The following BRPF1 variants were observed in gnomAD, a reference collection of about 807,000 sequenced individuals.
BRPF1 encodes peregrin.
In BRPF1, 15 loss-of-function variants were observed where a neutral mutation model predicts 115.0. That is an observed-to-expected ratio of 0.13 (90% CI 0.09 to 0.20). The LOEUF is 0.20. Ranked by LOEUF, BRPF1 falls within the 10% of genes least tolerant of loss-of-function variation. BRPF1 has a pLI of 1.00. For missense variants in BRPF1, 1,118 were observed against 1,638.3 expected (o/e 0.68, Z 5.48); for synonymous variants, 647 against 619.8 (o/e 1.04, Z -0.65).
Position 9,745,534 on chromosome 3 carries a change from C to T in BRPF1, c.3069-39C>T. The T allele has an allele frequency of 1.2e-6, 2 of 1,604,996 alleles. No homozygotes were observed. Among genetic ancestry groups the T allele is most frequent in the Non-Finnish European group, 1.7e-6 (2 of 1,172,124 alleles). On this transcript the variant is annotated intron_variant, in intron 10 of 13. Transcript: ENST00000383829. The surrounding 1 kb of genome is among the most constrained non-coding windows in gnomAD (Gnocchi z 5.1). Reference sequence around the variant, plus strand: ...ACATACCATGCTGTTCCCCATTCTTCCCCTCCTTTGAGCTGAGCTCCCATT... The same window carrying T: ...ACATACCATGCTGTTCCCCATTCTTTCCCTCCTTTGAGCTGAGCTCCCATT...
At position 9,743,373 on chromosome 3, in the gene BRPF1, G is replaced by A; in HGVS notation, c.2311+120G>A. On this transcript the variant is annotated intron_variant, in intron 7 of 13. Coordinates refer to ENST00000383829, the MANE Select transcript of BRPF1 (RefSeq NM_001003694.2). This position sits in a 1 kb window ranked among gnomAD's most constrained non-coding sequence, Gnocchi z 6.1. ...AAGCAGCTAGGCTGAGCAGTGGCAA[G>A]CTATCCCCAGGAATGCTCCCCAAGA... is the stretch of plus-strand genomic sequence containing the variant. 7.3e-7 allele frequency: 1 copy of A among 1,372,518 alleles called. No individual in the cohort carries two copies. Among genetic ancestry groups the A allele is most frequent in the Non-Finnish European group, 9.8e-7 (1 of 1,018,694 alleles). The allele number at this position is 1,372,518 out of a possible 1,614,324, so 85.0% of individuals were successfully genotyped here. A position where few individuals can be genotyped will look rare whatever the true frequency, so the allele number is the denominator to read the frequency against.
chr3:9,736,763 A>C (rs1244625630), intron 2 of BRPF1, among the ~76,000 whole-genome samples: 1 of 152,252 alleles, frequency 6.6e-6, no homozygotes, highest in African/African-American at 2.4e-5. Flanking sequence ...AGTTTTGGAA[A>C]CGATTTACTT....
intron 12 of BRPF1, 107 bp from the exon 13 acceptor site, chr3:9,746,193 T>C (rs1465863056): frequency 2.0e-5 from 27 of 1,359,860 alleles, no homozygotes; most frequent in Non-Finnish European, 2.6e-5. Context: ...TCTAGTAGCA[T>C]GATACCCTCT....
In BRPF1 at chr3:9,744,452, G is replaced by A. The variant is rs376462914; in HGVS notation, c.2864G>A (p.Arg955Gln). Residue 955 changes from arginine (R) to glutamine (Q), a missense_variant, in exon 9 of 14, where the codon CGG becomes CAG. Arg to Gln is a conservative substitution (Grantham distance 43, BLOSUM62 1). This residue lies in a region of BRPF1 where 92 missense variants were observed against 102.2 expected (regional missense o/e 0.90). Coordinates refer to ENST00000383829, the MANE Select transcript of BRPF1 (RefSeq NM_001003694.2). Reference sequence around the variant, plus strand: ...CAGCGCAAGCGGGGTAGGAGCCCCCGGCCCAGTTCGAGCTCAGACAGCGAC... The same window carrying A: ...CAGCGCAAGCGGGGTAGGAGCCCCCAGCCCAGTTCGAGCTCAGACAGCGAC... The part of the protein sequence containing the change: ...LRQRKRGRSP[R>Q]PSSSSDSDSD... 6.9e-6 allele frequency: 11 copies of A among 1,590,444 alleles called. No individual in the cohort carries two copies. Among genetic ancestry groups the A allele is most frequent in the Middle Eastern group, 1.7e-4 (1 of 5,916 alleles).
rs2077149119 is a variant in BRPF1 at position 9,747,541 on chromosome 3, T to C, written c.*192T>C. 4 of 559,468 alleles carry C rather than the reference T, an allele frequency of 7.1e-6. No individual in the cohort carries two copies. The highest frequency in any genetic ancestry group is 1.2e-5 in the Non-Finnish European group (4 of 328,690). The allele number at this position is 559,468 out of a possible 1,614,324, so 34.7% of individuals were successfully genotyped here. A position where few individuals can be genotyped will look rare whatever the true frequency, so the allele number is the denominator to read the frequency against. The stretch of plus-strand genomic sequence containing the variant: ...CTGTACAGAACACTCCAAGGGCCAA[T>C]GGCAGTTCAGCGCAAGGAGAGGGAG... On this transcript the variant is annotated 3_prime_UTR_variant, in exon 14 of 14. Transcript: ENST00000383829. This position sits in a 1 kb window ranked among gnomAD's most constrained non-coding sequence, Gnocchi z 5.6.
Position 9,734,544 on chromosome 3 carries a change from A to G in BRPF1, c.404A>G (p.Asn135Ser). 6.2e-7 allele frequency: 1 copy of G among 1,614,170 alleles called. No individual in the cohort carries two copies. The highest frequency in any genetic ancestry group is 8.5e-7 in the Non-Finnish European group (1 of 1,180,032). ...GAGGAGGCCCCTGAGAATGGCAGCA[A>G]CAAGGAGAACACTGAGACACCAGCT... is the stretch of plus-strand genomic sequence containing the variant. ...APEEAPENGS[N>S]KENTETPAAT... The change falls in exon 2 of 14, where the codon AAC (asparagine) becomes AGC (serine). Residue 135 changes from asparagine (N) to serine (S), a missense_variant. Physicochemically the swap from Asn to Ser is conservative, Grantham distance 46. Around this residue, in one of 10 missense-constraint regions of BRPF1, gnomAD observed 280 missense variants for 382.8 expected, o/e 0.73. Transcript: ENST00000383829. This position sits in a 1 kb window ranked among gnomAD's most constrained non-coding sequence, Gnocchi z 5.7.
At chr3:9,742,555 G>C (rs1369583199) in intron 6 of BRPF1, 1 of 985,132 alleles carries the variant, frequency 1.0e-6, no homozygotes. Context: ...TAAAATGAGA[G>C]GCCTGAGGCA....
rs554327337 is a variant in BRPF1 at position 9,745,259 on chromosome 3, C to G, written c.3068+104C>G. On this transcript the variant is annotated intron_variant, in intron 10 of 13. Coordinates refer to ENST00000383829, the MANE Select transcript of BRPF1 (RefSeq NM_001003694.2). This position sits in a 1 kb window ranked among gnomAD's most constrained non-coding sequence, Gnocchi z 5.1. The stretch of plus-strand genomic sequence containing the variant: ...GAAGTGGGGTGGCAGCCATCTCAGT[C>G]TAGATTAAGATGGCTCAAACTCAAG... The G allele has an allele frequency of 7.2e-7, 1 of 1,385,904 alleles. No individual in the cohort carries two copies. The highest frequency in any genetic ancestry group is 1.5e-5 in the African/African-American group (1 of 68,332). 85.9% of individuals were successfully genotyped at this position (1,385,904 alleles called of 1,614,324 possible). A position where few individuals can be genotyped will look rare whatever the true frequency, so the allele number is the denominator to read the frequency against.
Position 9,747,145 on chromosome 3 carries a change from G to T in BRPF1, c.3480-21G>T, listed in dbSNP as rs138567160. ...TTGTTCTCCCTGAGATGATTTATTT[G>T]ATCTTCACCTTATCCTATAGGCAGT... On this transcript the variant is annotated intron_variant, in intron 13 of 13. Transcript: ENST00000383829. This position sits in a 1 kb window ranked among gnomAD's most constrained non-coding sequence, Gnocchi z 5.6. The T allele has an allele frequency of 8.9e-4, 1,428 of 1,613,126 alleles. 15 individuals carry two copies. The African/African-American group carries it at 0.016, about 18-fold the overall frequency.
intron 6 of BRPF1, chr3:9,742,637 A>G: frequency 1.2e-6 from 1 of 802,396 alleles, no homozygotes; most frequent in South Asian, 5.7e-5. Context: ...TTTTCAGAGG[A>G]GTCCCCAAGC....
chr3:9,734,689 G>A lies in BRPF1; in HGVS notation c.549G>A (p.Glu183=). The A allele has an allele frequency of 6.2e-7, 1 of 1,614,172 alleles. No homozygotes were observed. Among genetic ancestry groups the A allele is most frequent in the East Asian group, 2.2e-5 (1 of 44,880 alleles). ...AGCTGCCAGAGGTGGTCTATCGGGA[G>A]CTGGAACAGGACACCCCTGATGCCC... ...TPKLPEVVYR[E]LEQDTPDAPP... The change falls in exon 2 of 14, where the codon GAG becomes GAA. Residue 183 remains glutamate, a synonymous_variant. Transcript: ENST00000383829. The surrounding 1 kb of genome is among the most constrained non-coding windows in gnomAD (Gnocchi z 5.7).
In BRPF1 at chr3:9,740,937, T is replaced by C. The variant is rs1359448792; in HGVS notation, c.1718T>C (p.Val573Ala). 3 of 1,611,234 alleles carry C rather than the reference T, an allele frequency of 1.9e-6. No homozygotes were observed. Among genetic ancestry groups the C allele is most frequent in the African/African-American group, 2.7e-5 (2 of 75,038 alleles). The stretch of plus-strand genomic sequence containing the variant: ...CAATCTCAGAGGAACTGTGACCAAG[T>C]TGGGGTACTGTGTCCAGTTCCCTGT... ...HLQSQRNCDQVGRDSEDKNWA... is the reference protein window; with the variant it reads ...HLQSQRNCDQAGRDSEDKNWA... Residue 573 changes from valine (V) to alanine (A), a missense_variant, in exon 4 of 14, where the codon GTT becomes GCT. Around this residue, in one of 10 missense-constraint regions of BRPF1, gnomAD observed 178 missense variants for 303.7 expected, o/e 0.59. Transcript: ENST00000383829.
Position 9,736,244 on chromosome 3 carries a change from G to C in BRPF1, c.599+1505G>C, listed in dbSNP as rs374643252. Among the ~76,000 whole-genome samples the C allele has an allele frequency of 6.1e-3, 930 of 151,914 alleles. 6 individuals carry two copies. The highest frequency in any genetic ancestry group is 9.8e-3 in the Non-Finnish European group (668 of 67,948). Reference sequence around the variant, plus strand: ...GATGGTCTCGATCTCCTGACCTCATGATCCACCCGCCTCAGCCTCCCAAAG... The same window carrying C: ...GATGGTCTCGATCTCCTGACCTCATCATCCACCCGCCTCAGCCTCCCAAAG... On this transcript the variant is annotated intron_variant, in intron 2 of 13. Coordinates refer to ENST00000383829, the MANE Select transcript of BRPF1 (RefSeq NM_001003694.2).
At position 9,731,826 on chromosome 3, in the gene BRPF1, C is replaced by A; in HGVS notation, c.-323C>A. 6.5e-6 allele frequency: 1 copy of A among 153,940 alleles called. No homozygotes were observed. Among genetic ancestry groups the A allele is most frequent in the Non-Finnish European group, 1.5e-5 (1 of 68,626 alleles). 9.5% of individuals were successfully genotyped at this position (153,940 alleles called of 1,614,324 possible). ...CTCCGCCGCCGCTGTCCTCGCGCTGCCTCTGGGAGCCTCCATTGTTCCAGC... is the reference window on the plus strand; with the variant it reads ...CTCCGCCGCCGCTGTCCTCGCGCTGACTCTGGGAGCCTCCATTGTTCCAGC... On this transcript the variant is annotated 5_prime_UTR_variant, in exon 1 of 14. Transcript: ENST00000383829.
At position 9,741,903 on chromosome 3, in the gene BRPF1, G is replaced by C. The variant is rs911191660; in HGVS notation, c.1855-122G>C. The C allele has an allele frequency of 2.4e-5, 27 of 1,131,606 alleles. 1 individual carries two copies. In the South Asian group the frequency reaches 4.1e-4, roughly 17 times the overall value. The allele number at this position is 1,131,606 out of a possible 1,614,324, so 70.1% of individuals were successfully genotyped here. A position where few individuals can be genotyped will look rare whatever the true frequency, so the allele number is the denominator to read the frequency against. On this transcript the variant is annotated intron_variant, in intron 5 of 13. Coordinates refer to ENST00000383829, the MANE Select transcript of BRPF1 (RefSeq NM_001003694.2). ...CCTCATAGAAGGTAGACCTGTATGA[G>C]TACACCCAGCTGTGAGGGTGGGAAA...
rs529014093 is a variant in BRPF1 at position 9,741,899 on chromosome 3, A to T, written c.1855-126A>T. 8 of 1,075,220 alleles carry T rather than the reference A, an allele frequency of 7.4e-6. No individual in the cohort carries two copies. The East Asian group carries it at 2.0e-4, about 27-fold the overall frequency. 66.6% of individuals were successfully genotyped at this position (1,075,220 alleles called of 1,614,324 possible). A position where few individuals can be genotyped will look rare whatever the true frequency, so the allele number is the denominator to read the frequency against. ...GGAGCCTCATAGAAGGTAGACCTGT[A>T]TGAGTACACCCAGCTGTGAGGGTGG... On this transcript the variant is annotated intron_variant, in intron 5 of 13. Transcript: ENST00000383829.
rs1227435500 is a variant in BRPF1, at chr3:9,745,106, T to C, written c.3019T>C (p.Ser1007Pro). The change falls in exon 10 of 14, where the codon TCT becomes CCT. Residue 1007 changes from serine (S) to proline (P), a missense_variant. Physicochemically the swap from Ser to Pro is moderately conservative, Grantham distance 74. Coordinates refer to ENST00000383829, the MANE Select transcript of BRPF1 (RefSeq NM_001003694.2). The surrounding 1 kb of genome is among the most constrained non-coding windows in gnomAD (Gnocchi z 5.1). ...CAGCCTTCCCCGGAGCAGCTCAGACTCTGAGTCCAGCAGCAGTAGCAGTAG... is the reference window on the plus strand; with the variant it reads ...CAGCCTTCCCCGGAGCAGCTCAGACCCTGAGTCCAGCAGCAGTAGCAGTAG... ...DCSLPRSSSD[S>P]ESSSSSSSSA... 6.2e-7 allele frequency: 1 copy of C among 1,614,204 alleles called. No individual in the cohort carries two copies. The highest frequency in any genetic ancestry group is 8.5e-7 in the Non-Finnish European group (1 of 1,180,038).
At chr3:9,746,061 A>G in intron 12 of BRPF1, 131 bp downstream of exon 12, 1 of 1,135,718 alleles carries the variant, frequency 8.8e-7, no homozygotes. Context: ...GTGGGCAGAT[A>G]CAGCTTGAGT....
Position 9,739,022 on chromosome 3 carries a change from A to T in BRPF1, c.623A>T (p.Glu208Val). 2 of 1,583,722 alleles carry T rather than the reference A, an allele frequency of 1.3e-6. No homozygotes were observed. The highest frequency in any genetic ancestry group is 1.7e-6 in the Non-Finnish European group (2 of 1,162,140). Reference protein sequence around the residue: ...YYRYIEKSAEELDEEVEYDMD... With the variant: ...YYRYIEKSAEVLDEEVEYDMD... ...AGGTACATCGAGAAGTCTGCAGAGGAGCTGGACGAGGAAGTAGAGTATGAC... is the reference window on the plus strand; with the variant it reads ...AGGTACATCGAGAAGTCTGCAGAGGTGCTGGACGAGGAAGTAGAGTATGAC... Residue 208 changes from glutamate to valine, a missense_variant, in exon 3 of 14, where the codon GAG becomes GTG. Glu to Val is a moderately radical substitution (Grantham distance 121, BLOSUM62 -2). Coordinates refer to ENST00000383829, the MANE Select transcript of BRPF1 (RefSeq NM_001003694.2).
Sources: gnomAD v4.1 joint callset for allele counts (sites outside exome capture counted in the v4.1 genomes callset) on GRCh38, gnomAD v4.1.1 for gene constraint, gnomAD v4.1.1 regional missense constraint, Gnocchi (gnomAD v3.1) non-coding constraint, MANE v1.5 for transcripts, NCBI Gene and HGNC (gene_info 2026-07-23, HGNC 2026-07-21) for gene names.